SIMC1: variants seen among roughly 807,000 people sequenced by gnomAD.
SIMC1 encodes the protein SUMO-interacting motif-containing protein 1.
SIMC1 carries 55 observed loss-of-function variants against 82.3 expected under a neutral mutation model. The ratio of observed to expected loss-of-function variants is 0.67; its 90% CI spans 0.54 to 0.84. The LOEUF is 0.84. Ranked by LOEUF, SIMC1 falls within the 40% of genes least tolerant of loss-of-function variation. SIMC1 has a pLI of 0.00. For missense variants in SIMC1, 915 were observed against 1,107.2 expected (o/e 0.83, Z 2.46); for synonymous variants, 353 against 426.3 (o/e 0.83, Z 2.12).
intron 4 of SIMC1, among the ~76,000 whole-genome samples, chr5:176,307,155 A>G (rs1307213383): frequency 6.6e-6 from 1 of 152,202 alleles, no homozygotes; most frequent in Admixed American, 6.5e-5. Context: ...AAAACAAAAA[A>G]TAAGTGTGGG....
At chr5:176,269,610 A>G (rs1762340395) in intron 1 of SIMC1, among the ~76,000 whole-genome samples, 2 of 152,256 alleles carry the variant, frequency 1.3e-5, no homozygotes, top group Non-Finnish European at 2.9e-5. Context: ...AAGACATAGT[A>G]CCATTCAAAC....
chr5:176,313,673 T>A lies in SIMC1; in HGVS notation c.1735-18T>A. 1 of 1,613,040 alleles carries A rather than the reference T, an allele frequency of 6.2e-7. No homozygotes were observed. The highest frequency in any genetic ancestry group is 8.5e-7 in the Non-Finnish European group (1 of 1,179,306). ...GAGACTGAGAAGAAAGACTGACTTC[T>A]CATTCTTTTTCCCACAGGGACAAAC... On this transcript the variant is annotated intron_variant, in intron 4 of 9. Coordinates refer to ENST00000429602, the MANE Select transcript of SIMC1 (RefSeq NM_001308195.2).
At chr5:176,336,626 TAGGACAAA>T in intron 7 of SIMC1, 86 bp from the exon 8 acceptor site, 1 of 1,505,128 alleles carries the variant, frequency 6.6e-7, no homozygotes, top group Admixed American at 2.0e-5. Flanking sequence ...CTGTCTTTTT[TAGGACAAA>T]TGTTGTACAT....
intron 7 of SIMC1, among the ~76,000 whole-genome samples, chr5:176,334,676 CT>C (rs1459145953): frequency 1.3e-5 from 2 of 152,216 alleles, no homozygotes; most frequent in African/African-American, 4.8e-5. Flanking sequence ...TCTGTTTTGT[CT>C]GCCCAAGAAG....
chr5:176,322,605 C>CCAGGT, intron 6 of SIMC1, 180 bp downstream of exon 6: 1 of 755,158 alleles, frequency 1.3e-6, no homozygotes, highest in East Asian at 2.8e-5. Context: ...CAGAACAAAA[C>CCAGGT]CAGGTGCTTT....
Position 176,289,530 on chromosome 5 carries a change from T to G in SIMC1, c.130-124T>G, listed in dbSNP as rs145169992. ...ACTATTGCTTATGTTACACAAGATGTGTAACTTATCAGTGAGGTGAAATGG... is the reference window on the plus strand; with the variant it reads ...ACTATTGCTTATGTTACACAAGATGGGTAACTTATCAGTGAGGTGAAATGG... On this transcript the variant is annotated intron_variant, in intron 1 of 9. Transcript: ENST00000429602. 238 of 738,348 alleles carry G rather than the reference T, an allele frequency of 3.2e-4. 1 individual carries two copies. In the African/African-American group the frequency reaches 3.7e-3, roughly 12 times the overall value. The allele number at this position is 738,348 out of a possible 1,614,324, so 45.7% of individuals were successfully genotyped here.
rs758563366 is a variant in SIMC1, at chr5:176,290,589, C to T, written c.1065C>T (p.Asp355=). The T allele has an allele frequency of 2.9e-5, 47 of 1,613,756 alleles. 1 individual carries two copies. The highest frequency in any genetic ancestry group is 1.3e-4 in the South Asian group (12 of 91,082). ...SPGDMPHSSG[D]VTHSPRDIPH... Reference sequence around the variant, plus strand: ...GAGACATGCCACACTCATCAGGGGACGTGACACACTCACCTAGAGACATCC... The same window carrying T: ...GAGACATGCCACACTCATCAGGGGATGTGACACACTCACCTAGAGACATCC... The change falls in exon 2 of 10, where the codon GAC becomes GAT. Residue 355 remains aspartate (D), a synonymous_variant. Coordinates refer to ENST00000429602, the MANE Select transcript of SIMC1 (RefSeq NM_001308195.2).
chr5:176,291,047 G>C (rs1763538097), intron 2 of SIMC1, 92 bp downstream of exon 2: 2 of 733,514 alleles, frequency 2.7e-6, no homozygotes, highest in Non-Finnish European at 4.4e-6. Flanking sequence ...GAGAGGACAG[G>C]TCAAGCATAA....
chr5:176,320,132 G>A (rs1000301768), intron 5 of SIMC1, among the ~76,000 whole-genome samples: 1 of 152,140 alleles, frequency 6.6e-6, no homozygotes, highest in Non-Finnish European at 1.5e-5. Flanking sequence ...CGTGTGAGAA[G>A]ATAGCAAGGG....
rs1458742312 is a variant in SIMC1, at chr5:176,345,335, C to G, written c.2566C>G (p.Leu856Val). The change falls in exon 10 of 10, where the codon CTT (leucine) becomes GTT (valine). Residue 856 changes from leucine (L) to valine (V), a missense_variant. By Grantham distance (32) the Leu-to-Val change is conservative (BLOSUM62 1). Coordinates refer to ENST00000429602, the MANE Select transcript of SIMC1 (RefSeq NM_001308195.2). Reference sequence around the variant, plus strand: ...CCTGATCCAGATGCTGGGGGAGCCTCTTGTCCCCCAACTCCAAGACAAAGT... The same window carrying G: ...CCTGATCCAGATGCTGGGGGAGCCTGTTGTCCCCCAACTCCAAGACAAAGT... ...SRLIQMLGEP[L>V]VPQLQDKVHL... 1 of 1,613,980 alleles carries G rather than the reference C, an allele frequency of 6.2e-7. No homozygotes were observed. Among genetic ancestry groups the G allele is most frequent in the Non-Finnish European group, 8.5e-7 (1 of 1,179,898 alleles).
chr5:176,307,039 A>C (rs1270854063), intron 4 of SIMC1, among the ~76,000 whole-genome samples: 1 of 152,256 alleles, frequency 6.6e-6, no homozygotes, highest in Admixed American at 6.5e-5. Flanking sequence ...AATGGCCAAC[A>C]AACTTCTGAA....
At chr5:176,288,035 G>C (rs1763374328) in intron 1 of SIMC1, among the ~76,000 whole-genome samples, 1 of 152,088 alleles carries the variant, frequency 6.6e-6, no homozygotes. Context: ...ACAATCAAAG[G>C]GATGATAGTC....
At chr5:176,283,024 T>C (rs1010040152) in intron 1 of SIMC1, among the ~76,000 whole-genome samples, 2 of 152,128 alleles carry the variant, frequency 1.3e-5, no homozygotes, top group Non-Finnish European at 2.9e-5. Flanking sequence ...TGGGACTATG[T>C]GAAAAGACCA....
intron 1 of SIMC1, among the ~76,000 whole-genome samples, chr5:176,286,013 A>G (rs1425411627): frequency 6.6e-6 from 1 of 152,248 alleles, no homozygotes; most frequent in Non-Finnish European, 1.5e-5. Context: ...AGAACATTCC[A>G]TGCTCATGGA....
At chr5:176,266,523 A>T (rs1305001535) in intron 1 of SIMC1, among the ~76,000 whole-genome samples, 1 of 148,874 alleles carries the variant, frequency 6.7e-6, no homozygotes, top group East Asian at 2.0e-4. Flanking sequence ...CAAAGTTTGC[A>T]GTTCGAATCT....
chr5:176,328,926 TTTTA>T (rs1429102409), intron 7 of SIMC1, among the ~76,000 whole-genome samples: 1 of 152,190 alleles, frequency 6.6e-6, no homozygotes, highest in Non-Finnish European at 1.5e-5. Context: ...TTTATTTTTA[TTTTA>T]TTTTAAAAAA....
At chr5:176,261,446 T>C (rs1005688925) in intron 1 of SIMC1, among the ~76,000 whole-genome samples, 10 of 152,208 alleles carry the variant, frequency 6.6e-5, no homozygotes, top group Non-Finnish European at 1.3e-4. Flanking sequence ...ATTTTTGTTA[T>C]AAAAGGTGTA....
intron 7 of SIMC1, among the ~76,000 whole-genome samples, chr5:176,335,339 C>T (rs1391666118): frequency 1.5e-5 from 2 of 134,370 alleles, no homozygotes; most frequent in African/African-American, 5.7e-5. Flanking sequence ...TGCAGTGGTG[C>T]AGTCTTGGCT....
chr5:176,262,818 G>A (rs1265870152), intron 1 of SIMC1, among the ~76,000 whole-genome samples: 1 of 151,832 alleles, frequency 6.6e-6, no homozygotes, highest in African/African-American at 2.4e-5. Flanking sequence ...AAAAGAAAAA[G>A]TATGTGGATT....
Sources: gnomAD v4.1 joint callset for allele counts (sites outside exome capture counted in the v4.1 genomes callset) on GRCh38, gnomAD v4.1.1 for gene constraint, MANE v1.5 for transcripts, NCBI Gene and HGNC (gene_info 2026-07-23, HGNC 2026-07-21) for gene names.